ITIH6: variants seen among roughly 807,000 people sequenced by gnomAD.
ITIH6 encodes inter-alpha-trypsin inhibitor heavy chain family member 6.
ITIH6 carries 60 observed loss-of-function variants against 58.2 expected under a neutral mutation model. That is an observed-to-expected ratio of 1.03 (90% CI 0.84 to 1.28). The LOEUF is 1.28. Among genes scored for constraint, ITIH6 ranks in the 50% most tolerant of loss-of-function variants. The probability of loss-of-function intolerance (pLI) is 0.00; values close to 1 mark genes in which losing one functional copy is unlikely to be tolerated. For synonymous variants in ITIH6, 493 were observed against 417.4 expected (o/e 1.18, Z -2.21); for missense variants, 1,290 against 1,021.1 (o/e 1.26, Z -3.59).
intron 5 of ITIH6, among the ~76,000 whole-genome samples, chrX:54,775,285 G>T (rs1188823717): frequency 9.0e-6 from 1 of 111,435 alleles, no homozygotes; most frequent in Non-Finnish European, 1.9e-5. Context: ...ATCTTTCCCC[G>T]ATCCCATGCC....
At chrX:54,774,987 C>T (rs1929026586) in intron 5 of ITIH6, among the ~76,000 whole-genome samples, 1 of 111,852 alleles carries the variant, frequency 8.9e-6, no homozygotes, top group African/African-American at 3.3e-5. Flanking sequence ...GCTTTTGCTC[C>T]TCTCTGCCCT....
chrX:54,781,370 A>T (rs1222088195), intron 5 of ITIH6, among the ~76,000 whole-genome samples: 1 of 112,480 alleles, frequency 8.9e-6, no homozygotes, highest in Non-Finnish European at 1.9e-5. Flanking sequence ...TAAGGAACTT[A>T]AACAAATTTA....
At chrX:54,779,054 AAG>A (rs1485932417) in intron 5 of ITIH6, among the ~76,000 whole-genome samples, 19 of 112,286 alleles carry the variant, frequency 1.7e-4, no homozygotes, top group Non-Finnish European at 3.2e-4. Flanking sequence ...TCAAACGTGA[AAG>A]AGAAATAAAG....
intron 4 of ITIH6, among the ~76,000 whole-genome samples, chrX:54,789,611 C>T (rs1310344128): frequency 8.9e-6 from 1 of 112,496 alleles, no homozygotes; most frequent in African/African-American, 3.2e-5. Context: ...CCTGTGGGTC[C>T]AGGTTCCAGC....
intron 6 of ITIH6, among the ~76,000 whole-genome samples, chrX:54,761,960 T>C (rs1569543967): frequency 2.7e-5 from 3 of 111,965 alleles, no homozygotes; most frequent in Admixed American, 9.5e-5. Flanking sequence ...AGTAGTTTTT[T>C]CCAATCCTGT....
chrX:54,763,807 AC>A (rs1219850093), intron 6 of ITIH6, among the ~76,000 whole-genome samples: 1 of 111,696 alleles, frequency 9.0e-6, no homozygotes, highest in East Asian at 2.8e-4. Flanking sequence ...ATGTATTTTT[AC>A]CTTCCAGTTT....
intron 11 of ITIH6, among the ~76,000 whole-genome samples, chrX:54,752,901 T>C (rs1485571386): frequency 2.7e-5 from 3 of 112,638 alleles, no homozygotes; most frequent in Non-Finnish European, 5.6e-5. Flanking sequence ...GCAAAGGTCA[T>C]GGCAACTGGT....
At chrX:54,782,427 T>G in intron 5 of ITIH6, among the ~76,000 whole-genome samples, 1 of 110,665 alleles carries the variant, frequency 9.0e-6, no homozygotes, top group East Asian at 2.8e-4. Context: ...AAAATAATAA[T>G]AATAATAATT....
chrX:54,775,471 C>T (rs1419407313), intron 5 of ITIH6, among the ~76,000 whole-genome samples: 2 of 110,549 alleles, frequency 1.8e-5, no homozygotes, highest in South Asian at 3.9e-4. Flanking sequence ...GTCCACATCA[C>T]CATAAACCTC....
rs145624254 is a variant in ITIH6, at chrX:54,774,603, G to A, written c.787-406C>T. On this transcript the variant is annotated intron_variant, in intron 5 of 12. Transcript: ENST00000218436. ...CCTCCCTGTATAGAGTGAGCCTGGG[G>A]CCCAGCTCTTTGCTGCCAGGGGCTG... Among the ~76,000 whole-genome samples the A allele has an allele frequency of 5.0e-3, 564 of 113,187 alleles. 1 individual carries two copies. The highest frequency in any genetic ancestry group is 0.037 in the Middle Eastern group (8 of 218).
intron 8 of ITIH6, 101 bp downstream of exon 8, chrX:54,756,864 C>G: frequency 2.1e-6 from 1 of 485,093 alleles, no homozygotes; most frequent in Non-Finnish European, 3.2e-6. Context: ...AAGCAGCTGT[C>G]CCATCACTGG....
chrX:54,791,124 C>T, intron 3 of ITIH6, 40 bp from the exon 4 acceptor site: 1 of 1,197,066 alleles, frequency 8.4e-7, no homozygotes, highest in Non-Finnish European at 1.1e-6. Context: ...AGAAAGGGAC[C>T]TTCAGAGGAG....
Position 54,756,954 on chromosome X carries a change from A to C in ITIH6, c.3109+11T>G. On this transcript the variant is annotated intron_variant, in intron 8 of 12. Transcript: ENST00000218436. ...ACCCTCATGGCTCGACCTCTTACCCATGGCACTCACCATCTTCATCAGGAG... is the reference window on the plus strand; with the variant it reads ...ACCCTCATGGCTCGACCTCTTACCCCTGGCACTCACCATCTTCATCAGGAG... The C allele has an allele frequency of 8.9e-7, 1 of 1,123,122 alleles. No individual in the cohort carries two copies. The highest frequency in any genetic ancestry group is 1.2e-6 in the Non-Finnish European group (1 of 834,642). The allele number at this position is 1,123,122 out of a possible 1,213,427, so 92.6% of individuals were successfully genotyped here.
intron 9 of ITIH6, among the ~76,000 whole-genome samples, chrX:54,754,572 A>G (rs1346904538): frequency 2.7e-5 from 3 of 111,625 alleles, no homozygotes; most frequent in Non-Finnish European, 5.6e-5. Flanking sequence ...TTGAAGATGG[A>G]GGGGGACCAC....
chrX:54,790,871 CA>C lies in ITIH6; in HGVS notation c.581del (p.Leu194ArgfsTer97). 1 of 1,212,272 alleles carries C rather than the reference CA, an allele frequency of 8.2e-7. No individual in the cohort carries two copies. Among genetic ancestry groups the C allele is most frequent in the Non-Finnish European group, 1.1e-6 (1 of 895,587 alleles). On this transcript the variant is annotated frameshift_variant, in exon 4 of 13. Coordinates refer to ENST00000218436, the MANE Select transcript of ITIH6 (RefSeq NM_198510.3). LOFTEE classifies it high-confidence loss of function. ...TGISYVHIPP[L>X]RTGRLRTNAH... ...CATTGGTGCGCAGACGGCCGGTCCTCAGGGGTGGTATGTGCACATAGGAGAT... is the reference window on the plus strand; with the variant it reads ...CATTGGTGCGCAGACGGCCGGTCCTCGGGGTGGTATGTGCACATAGGAGAT...
intron 5 of ITIH6, among the ~76,000 whole-genome samples, chrX:54,779,932 G>T (rs2147615796): frequency 9.0e-6 from 1 of 111,659 alleles, no homozygotes; most frequent in Admixed American, 9.5e-5. Context: ...GACAAAGAAG[G>T]TAGCAATATA....
chrX:54,781,810 T>C lies in ITIH6; in HGVS notation c.786+6670A>G, dbSNP rs1196570598. Among the ~76,000 whole-genome samples, 5 of 112,365 alleles carry C rather than the reference T, an allele frequency of 4.4e-5. 1 individual carries two copies. On this transcript the variant is annotated intron_variant, in intron 5 of 12. Coordinates refer to ENST00000218436, the MANE Select transcript of ITIH6 (RefSeq NM_198510.3). The stretch of plus-strand genomic sequence containing the variant: ...ATGTCCATTGCAGCACTATATACAA[T>C]AGCAAAGACTTGGAATCAACCTAAA...
chrX:54,768,136 C>T (rs1485514668), intron 6 of ITIH6, among the ~76,000 whole-genome samples: 1 of 67,363 alleles, frequency 1.5e-5, no homozygotes, highest in Non-Finnish European at 2.6e-5. Context: ...ATCCCTTTAC[C>T]ATTATGTAAT....
At chrX:54,752,756 C>G (rs778733381) in intron 11 of ITIH6, among the ~76,000 whole-genome samples, 1 of 112,203 alleles carries the variant, frequency 8.9e-6, no homozygotes, top group Non-Finnish European at 1.9e-5. Context: ...GATCCTAAAG[C>G]ATTCCCTCAA....
Sources: gnomAD v4.1 joint callset for allele counts (sites outside exome capture counted in the v4.1 genomes callset) on GRCh38, gnomAD v4.1.1 for gene constraint, MANE v1.5 for transcripts, NCBI Gene and HGNC (gene_info 2026-07-23, HGNC 2026-07-21) for gene names.